Variants in FHIT observed in about 807,000 individuals in gnomAD.
FHIT encodes bis(5'-adenosyl)-triphosphatase.
FHIT carries 19 observed loss-of-function variants against 17.9 expected under a neutral mutation model. That is an observed-to-expected ratio of 1.06 (90% confidence interval 0.74 to 1.56). The LOEUF is 1.56. Ranked by LOEUF, FHIT falls within the 40% of genes most tolerant of loss-of-function variation. The pLI, the probability that FHIT is intolerant of heterozygous loss-of-function variation, is 0.00. For missense variants in FHIT, 248 were observed against 189.2 expected (o/e 1.31, Z -1.82); for synonymous variants, 81 against 69.7 (o/e 1.16, Z -0.81).
chr3:60,098,840 A>G (rs578015745), intron 5 of FHIT, among the ~76,000 whole-genome samples: 1 of 152,288 alleles, frequency 6.6e-6, no homozygotes, highest in East Asian at 1.9e-4. Flanking sequence ...ACAGTAGTCA[A>G]ATTTTGGGAG....
chr3:60,602,221 C>T (rs781895511), intron 4 of FHIT, among the ~76,000 whole-genome samples: 1 of 152,162 alleles, frequency 6.6e-6, no homozygotes, highest in Admixed American at 6.6e-5. Context: ...TCAGCATTGT[C>T]ATCCTAATTA....
chr3:60,276,035 T>C (rs1196221485), intron 5 of FHIT, among the ~76,000 whole-genome samples: 1 of 151,154 alleles, frequency 6.6e-6, no homozygotes, highest in Non-Finnish European at 1.5e-5. Flanking sequence ...TCGCCCAGGC[T>C]GGAGTGCAGT....
At chr3:59,788,627 T>A (rs948240282) in intron 8 of FHIT, among the ~76,000 whole-genome samples, 2 of 152,152 alleles carry the variant, frequency 1.3e-5, no homozygotes, top group Non-Finnish European at 2.9e-5. Context: ...ATTTATTCAG[T>A]TGGATCAGTG....
At position 59,879,924 on chromosome 3, in the gene FHIT, C is replaced by G. The variant is rs1349067923; in HGVS notation, c.348+42422G>C. On this transcript the variant is annotated intron_variant, in intron 8 of 9. Transcript: ENST00000492590. ...TTTAACCAATCATTTCCCCCACCCC[C>G]CCCCCCCCGCCCCTTAGCAACGTGG... Among the ~76,000 whole-genome samples, 2 of 137,304 alleles carry G rather than the reference C, an allele frequency of 1.5e-5. 1 individual carries two copies. The highest frequency in any genetic ancestry group is 3.1e-5 in the Non-Finnish European group (2 of 64,064). The allele number at this position is 137,304 out of a possible 152,430, so 90.1% of individuals were successfully genotyped here. A position where few individuals can be genotyped will look rare whatever the true frequency, so the allele number is the denominator to read the frequency against.
chr3:60,743,936 CA>C (rs1346826947), intron 4 of FHIT, among the ~76,000 whole-genome samples: 9 of 152,154 alleles, frequency 5.9e-5, no homozygotes, highest in Non-Finnish European at 1.3e-4. Context: ...GCTCTTTGCA[CA>C]GTTAATTATT....
At chr3:59,947,285 T>A (rs1324961432) in intron 7 of FHIT, among the ~76,000 whole-genome samples, 2 of 152,362 alleles carry the variant, frequency 1.3e-5, no homozygotes, top group East Asian at 3.9e-4. Context: ...GTACGTTTTC[T>A]AATTTGTGTG....
At chr3:60,041,233 C>G (rs212058) in intron 5 of FHIT, among the ~76,000 whole-genome samples, 105,509 of 152,086 alleles carry the variant, frequency 0.69, 37,475 homozygotes, top group Middle Eastern at 0.84. Context: ...GCTCCTCAGA[C>G]TCTCACTTGC....
chr3:61,180,183 T>C (rs1348374043), intron 2 of FHIT, among the ~76,000 whole-genome samples: 1 of 152,182 alleles, frequency 6.6e-6, no homozygotes, highest in Non-Finnish European at 1.5e-5. Flanking sequence ...CATTAATTCT[T>C]GTAATGAAAG....
At chr3:60,197,040 C>A (rs955802704) in intron 5 of FHIT, among the ~76,000 whole-genome samples, 2 of 152,278 alleles carry the variant, frequency 1.3e-5, no homozygotes, top group African/African-American at 4.8e-5. Context: ...GATAAAAGAA[C>A]TGCTTTTCAA....
intron 8 of FHIT, among the ~76,000 whole-genome samples, chr3:59,800,035 C>T (rs1342212599): frequency 6.6e-6 from 1 of 152,166 alleles, no homozygotes; most frequent in Non-Finnish European, 1.5e-5. Flanking sequence ...GAAGTGAAAA[C>T]CATTCAGGAA....
rs367648550 is a variant in FHIT at position 61,058,432 on chromosome 3, G to A, written c.-163-16333C>T. Among the ~76,000 whole-genome samples, 7 of 152,318 alleles carry A rather than the reference G, an allele frequency of 4.6e-5. No homozygotes were observed. In the South Asian group the frequency reaches 1.5e-3, roughly 32 times the overall value. Reference sequence around the variant, plus strand: ...ATGAATAGTGCTATGGTTTGGATTTGTGTCCACGCCTAAATCTCATGTCAA... The same window carrying A: ...ATGAATAGTGCTATGGTTTGGATTTATGTCCACGCCTAAATCTCATGTCAA... On this transcript the variant is annotated intron_variant, in intron 2 of 9. Transcript: ENST00000492590.
At chr3:60,809,716 C>A (rs767539613) in intron 4 of FHIT, among the ~76,000 whole-genome samples, 2 of 152,108 alleles carry the variant, frequency 1.3e-5, no homozygotes, top group Non-Finnish European at 2.9e-5. Flanking sequence ...GAGTTTTTAA[C>A]CTTCTGAAAC....
chr3:60,527,058 C>G (rs1361330458), intron 5 of FHIT, among the ~76,000 whole-genome samples: 2 of 152,132 alleles, frequency 1.3e-5, no homozygotes, highest in Non-Finnish European at 2.9e-5. Flanking sequence ...TGGGGAGCAT[C>G]TGTCCCCACA....
At chr3:60,773,205 G>T (rs1553723598) in intron 4 of FHIT, among the ~76,000 whole-genome samples, 1 of 152,060 alleles carries the variant, frequency 6.6e-6, no homozygotes, top group African/African-American at 2.4e-5. Flanking sequence ...AAAAAAAATA[G>T]AATTTAAGGG....
At chr3:60,721,307 A>C (rs547673817) in intron 4 of FHIT, among the ~76,000 whole-genome samples, 1 of 152,270 alleles carries the variant, frequency 6.6e-6, no homozygotes, top group Admixed American at 6.5e-5. Flanking sequence ...AAACATGATT[A>C]AGAACACACA....
intron 5 of FHIT, among the ~76,000 whole-genome samples, chr3:60,530,216 T>C (rs1031775836): frequency 2.0e-5 from 3 of 151,924 alleles, no homozygotes; most frequent in African/African-American, 4.8e-5. Flanking sequence ...TACATACATA[T>C]CCTCACCAGA....
At chr3:60,994,809 G>A (rs1212074286) in intron 3 of FHIT, among the ~76,000 whole-genome samples, 1 of 152,082 alleles carries the variant, frequency 6.6e-6, no homozygotes, top group Non-Finnish European at 1.5e-5. Context: ...GAAGGGAGCT[G>A]GTGTCACATA....
chr3:61,190,096 A>C (rs1389432172), intron 2 of FHIT, among the ~76,000 whole-genome samples: 1 of 152,062 alleles, frequency 6.6e-6, no homozygotes, highest in Non-Finnish European at 1.5e-5. Flanking sequence ...GATCTAATTA[A>C]ACTAAAGCAC....
intron 3 of FHIT, among the ~76,000 whole-genome samples, chr3:60,965,820 C>T (rs572628233): frequency 2.0e-5 from 3 of 152,292 alleles, no homozygotes; most frequent in South Asian, 2.1e-4. Flanking sequence ...AGAGGGGTAC[C>T]TGGCTGTGTG....
Sources: gnomAD v4.1 joint callset for allele counts (sites outside exome capture counted in the v4.1 genomes callset) on GRCh38, gnomAD v4.1.1 for gene constraint, MANE v1.5 for transcripts, NCBI Gene and HGNC (gene_info 2026-07-23, HGNC 2026-07-21) for gene names.